TUT4: variants seen among roughly 807,000 people sequenced by gnomAD.
TUT4 encodes the protein terminal uridylyltransferase 4.
TUT4 carries 36 observed loss-of-function variants against 192.2 expected under a neutral mutation model. The ratio of observed to expected loss-of-function variants is 0.19; its 90% CI spans 0.14 to 0.25. TUT4 has a LOEUF of 0.25. TUT4 is among the 10% of genes least tolerant of loss of function. TUT4 has a pLI of 1.00. For missense variants in TUT4, 1,493 were observed against 1,957.2 expected (o/e 0.76, Z 4.47); for synonymous variants, 618 against 666.0 (o/e 0.93, Z 1.11).
At chr1:52,425,289 G>C in intron 29 of TUT4, 60 bp downstream of exon 29, 2 of 1,546,548 alleles carry the variant, frequency 1.3e-6, no homozygotes, top group Non-Finnish European at 1.7e-6. Flanking sequence ...CTTCACTAAG[G>C]CTCTCTATCC....
intron 3 of TUT4, among the ~76,000 whole-genome samples, chr1:52,510,332 A>G (rs898419605): frequency 6.6e-6 from 1 of 151,458 alleles, no homozygotes; most frequent in African/African-American, 2.4e-5. Flanking sequence ...AAAAAAAAAA[A>G]AAAAAAAAAG....
intron 18 of TUT4, 113 bp from the exon 19 acceptor site, chr1:52,461,336 A>G: frequency 8.6e-7 from 1 of 1,156,384 alleles, no homozygotes; most frequent in Non-Finnish European, 1.2e-6. Context: ...GTAAAATGTA[A>G]AACACCTATT....
intron 25 of TUT4, 126 bp downstream of exon 25, chr1:52,438,094 C>T: frequency 1.5e-6 from 1 of 652,538 alleles, no homozygotes; most frequent in Non-Finnish European, 2.6e-6. Flanking sequence ...CTCAAATGAA[C>T]ATTTACCTTA....
intron 20 of TUT4, among the ~76,000 whole-genome samples, chr1:52,447,649 A>G (rs1657969560): frequency 6.6e-6 from 1 of 152,156 alleles, no homozygotes; most frequent in Admixed American, 6.5e-5. Context: ...TCCACAAGTA[A>G]TTGATACTTT....
chr1:52,434,008 T>C lies in TUT4; in HGVS notation c.4263+1357A>G, dbSNP rs544990365. 26 of 152,326 alleles carry C rather than the reference T, an allele frequency of 1.7e-4. No homozygotes were observed. The East Asian group carries it at 4.0e-3, about 24-fold the overall frequency. The allele number at this position is 152,326 out of a possible 1,614,324, so 9.4% of individuals were successfully genotyped here. A position where few individuals can be genotyped will look rare whatever the true frequency, so the allele number is the denominator to read the frequency against. ...ACTGTTAAAGCCTGGTAATGATACA[T>C]AGAGATTTATTTTCTATACTTTTCT... On this transcript the variant is annotated intron_variant, in intron 27 of 29. Coordinates refer to ENST00000257177, the MANE Select transcript of TUT4 (RefSeq NM_001009881.3).
chr1:52,548,124 G>A (rs1406992263), intron 1 of TUT4, among the ~76,000 whole-genome samples: 1 of 152,064 alleles, frequency 6.6e-6, no homozygotes. Flanking sequence ...GTCAAATTGT[G>A]TCTTAATATT....
At chr1:52,510,274 C>T (rs939462083) in intron 3 of TUT4, among the ~76,000 whole-genome samples, 2 of 139,744 alleles carry the variant, frequency 1.4e-5, no homozygotes, top group East Asian at 2.1e-4. Context: ...GAGATCGCAT[C>T]ACTGCACTCA....
At chr1:52,438,394 G>A in intron 24 of TUT4, 59 bp from the exon 25 acceptor site, 12 of 1,181,126 alleles carry the variant, frequency 1.0e-5, no homozygotes, top group East Asian at 2.5e-5. Flanking sequence ...GAATCCAAAT[G>A]GAAAGAAGAC....
intron 2 of TUT4, among the ~76,000 whole-genome samples, chr1:52,525,050 C>T (rs1450934497): frequency 6.6e-6 from 1 of 152,224 alleles, no homozygotes; most frequent in Non-Finnish European, 1.5e-5. Context: ...CATGTGCTCT[C>T]TCAACTTCAA....
rs1041071952 is a variant in TUT4 at position 52,526,434 on chromosome 1, G to T, written c.-93-61C>A. Reference sequence around the variant, plus strand: ...TAAAATGCAAAAACAATTTTTTATGGTTAGACATTAAAAAACAATTTTTTA... The same window carrying T: ...TAAAATGCAAAAACAATTTTTTATGTTTAGACATTAAAAAACAATTTTTTA... On this transcript the variant is annotated intron_variant, in intron 1 of 29. Coordinates refer to ENST00000257177, the MANE Select transcript of TUT4 (RefSeq NM_001009881.3). 1.9e-5 allele frequency: 12 copies of T among 622,252 alleles called. No homozygotes were observed. In the Admixed American group the frequency reaches 4.1e-4, roughly 21 times the overall value. 38.5% of individuals were successfully genotyped at this position (622,252 alleles called of 1,614,324 possible).
At position 52,475,508 on chromosome 1, in the gene TUT4, G is replaced by A. The variant is rs1230945979; in HGVS notation, c.2051C>T (p.Ala684Val). The change falls in exon 13 of 30, where the codon GCA (alanine) becomes GTA (valine). Residue 684 changes from alanine to valine, a missense_variant. Ala to Val is a moderately conservative substitution (Grantham distance 64). Around this residue, in one of 7 missense-constraint regions of TUT4, gnomAD observed 437 missense variants for 577.6 expected, o/e 0.76. Coordinates refer to ENST00000257177, the MANE Select transcript of TUT4 (RefSeq NM_001009881.3). ...AACCAGCTGGCTGTTTAAGCTCCGT[G>A]CAACATTCCTCTTGACTGAAAATGG... ...EDPFSVKRNV[A>V]RSLNSQLVYE... 7.4e-6 allele frequency: 12 copies of A among 1,613,220 alleles called. No individual in the cohort carries two copies. Among genetic ancestry groups the A allele is most frequent in the Non-Finnish European group, 9.3e-6 (11 of 1,179,636 alleles).
intron 20 of TUT4, among the ~76,000 whole-genome samples, chr1:52,450,666 T>C (rs945279373): frequency 6.6e-6 from 1 of 152,162 alleles, no homozygotes; most frequent in Non-Finnish European, 1.5e-5. Flanking sequence ...TGAAATATTA[T>C]CATTATTACA....
chr1:52,513,393 CAAAAA>C (rs554170439), intron 3 of TUT4, among the ~76,000 whole-genome samples: 12 of 42,116 alleles, frequency 2.8e-4, no homozygotes, highest in Admixed American at 1.5e-3. Context: ...GACCCTGTCT[CAAAAA>C]AAAAAAAAAA....
chr1:52,444,914 T>A (rs1656940086), intron 24 of TUT4, among the ~76,000 whole-genome samples: 1 of 124,248 alleles, frequency 8.0e-6, no homozygotes, highest in South Asian at 2.4e-4. Flanking sequence ...TATATGTATA[T>A]ACATGTATGT....
chr1:52,552,500 T>A (rs540196761), intron 1 of TUT4, among the ~76,000 whole-genome samples: 1 of 152,344 alleles, frequency 6.6e-6, no homozygotes, highest in South Asian at 2.1e-4. Context: ...CATTATGTAG[T>A]CACCTATGTC....
intron 2 of TUT4, among the ~76,000 whole-genome samples, chr1:52,518,581 T>G (rs887147763): frequency 2.6e-5 from 4 of 152,144 alleles, no homozygotes; most frequent in African/African-American, 9.7e-5. Context: ...GGTTAGGGCC[T>G]CAACATATGA....
At chr1:52,515,139 T>C (rs180778484) in intron 3 of TUT4, 1 of 152,344 alleles carries the variant, frequency 6.6e-6, no homozygotes, top group East Asian at 1.9e-4. Context: ...GGAATGTGTA[T>C]TTCTAGATTA....
At chr1:52,533,973 GGAA>G (rs1684205255) in intron 1 of TUT4, among the ~76,000 whole-genome samples, 1 of 152,078 alleles carries the variant, frequency 6.6e-6, no homozygotes, top group South Asian at 2.1e-4. Context: ...CTCAAAAAAA[GGAA>G]GAAAACATGA....
At chr1:52,464,407 A>C (rs1277801626) in intron 16 of TUT4, among the ~76,000 whole-genome samples, 9 of 152,052 alleles carry the variant, frequency 5.9e-5, no homozygotes, top group Non-Finnish European at 1.3e-4. Flanking sequence ...GGCGCGTGCC[A>C]CCATGCCCAG....
Sources: allele counts gnomAD v4.1 joint callset (sites outside exome capture counted in the v4.1 genomes callset), GRCh38; gene constraint gnomAD v4.1.1; regional missense constraint gnomAD v4.1.1; transcripts MANE v1.5; gene names NCBI Gene and HGNC (gene_info 2026-07-23, HGNC 2026-07-21).